The following LAMA4 variants were observed in gnomAD, a reference collection of about 807,000 sequenced individuals.
The protein encoded by LAMA4 is laminin subunit alpha 4.
In LAMA4, 127 loss-of-function variants were observed where a neutral mutation model predicts 207.1. The ratio of observed to expected loss-of-function variants is 0.61; its 90% CI spans 0.53 to 0.71. The LOEUF (loss-of-function observed/expected upper bound fraction) is 0.71, where lower values mean the gene tolerates loss of function less well. Ranked by LOEUF, LAMA4 falls within the 30% of genes least tolerant of loss-of-function variation. The probability of loss-of-function intolerance (pLI) is 0.00; values close to 1 mark genes in which losing one functional copy is unlikely to be tolerated. For synonymous variants in LAMA4, 761 were observed against 816.0 expected (o/e 0.93, Z 1.15); for missense variants, 2,093 against 2,246.5 (o/e 0.93, Z 1.38).
At chr6:112,232,258 T>C (rs1554364640) in intron 2 of LAMA4, among the ~76,000 whole-genome samples, 2 of 152,194 alleles carry the variant, frequency 1.3e-5, no homozygotes, top group African/African-American at 4.8e-5. Context: ...GGGGAGCTTA[T>C]TTAAAAAACA....
chr6:112,129,168 A>AAATGTGTGTGTGTGTGTG, intron 30 of LAMA4, 93 bp from the exon 31 acceptor site: 1 of 1,150,432 alleles, frequency 8.7e-7, no homozygotes, highest in Non-Finnish European at 1.3e-6. Context: ...TTGGCAATTA[A>AAATGTGTGTGTGTGTGTG]AATGTGTGTG....
At chr6:112,235,034 C>T (rs1785815029) in intron 2 of LAMA4, among the ~76,000 whole-genome samples, 1 of 152,204 alleles carries the variant, frequency 6.6e-6, no homozygotes, top group African/African-American at 2.4e-5. Context: ...GAGGATCCTC[C>T]TGACATCAAA....
chr6:112,179,958 A>G (rs7752289), intron 9 of LAMA4: 6,762 of 532,088 alleles, frequency 0.013, 306 homozygotes, highest in African/African-American at 0.11. Context: ...TGCTTTCCAG[A>G]AAAACAGTAT....
At position 112,126,995 on chromosome 6, in the gene LAMA4, T is replaced by C. The variant is rs78338349; in HGVS notation, c.4287+1927A>G. ...ATACTCATAAGGCTCTATAGAGATA[T>C]AACCACTAATATTCACTGAATCTTA... On this transcript the variant is annotated intron_variant, in intron 31 of 38. Transcript: ENST00000230538. Among the ~76,000 whole-genome samples, 254 of 152,316 alleles carry C rather than the reference T, an allele frequency of 1.7e-3. 3 individuals carry two copies. The East Asian group carries it at 0.044, about 26-fold the overall frequency.
At chr6:112,250,471 T>G (rs1369322081) in intron 2 of LAMA4, among the ~76,000 whole-genome samples, 3 of 152,206 alleles carry the variant, frequency 2.0e-5, no homozygotes, top group African/African-American at 7.2e-5. Flanking sequence ...CTGATCTTCT[T>G]GGAGTGAAGT....
At chr6:112,199,184 G>T (rs1783590492) in intron 5 of LAMA4, among the ~76,000 whole-genome samples, 1 of 152,130 alleles carries the variant, frequency 6.6e-6, no homozygotes, top group African/African-American at 2.4e-5. Context: ...TGTCAGAGGT[G>T]GGCGTGCAGT....
chr6:112,199,548 T>G (rs2114994823), intron 5 of LAMA4, among the ~76,000 whole-genome samples: 1 of 152,258 alleles, frequency 6.6e-6, no homozygotes, highest in East Asian at 1.9e-4. Flanking sequence ...GTCACAAATT[T>G]CAATCAACCC....
intron 10 of LAMA4, among the ~76,000 whole-genome samples, chr6:112,177,097 A>G (rs1370170192): frequency 7.9e-5 from 12 of 152,226 alleles, no homozygotes; most frequent in African/African-American, 2.9e-4. Context: ...GAACAAATCA[A>G]TAGTAACTCT....
intron 6 of LAMA4, among the ~76,000 whole-genome samples, 165 bp from the exon 7 acceptor site, chr6:112,189,370 C>T (rs570246332): frequency 6.6e-5 from 10 of 152,048 alleles, no homozygotes; most frequent in South Asian, 4.1e-4. Flanking sequence ...ACAGAGATTA[C>T]GCCCTTCATC....
In LAMA4 at chr6:112,172,607, G is replaced by T; in HGVS notation, c.1551+4C>A. 1 of 1,612,396 alleles carries T rather than the reference G, an allele frequency of 6.2e-7. No individual in the cohort carries two copies. Among genetic ancestry groups the T allele is most frequent in the Non-Finnish European group, 8.5e-7 (1 of 1,179,834 alleles). On this transcript the variant is annotated splice_donor_region_variant and intron_variant, in intron 12 of 38. Transcript: ENST00000230538. Reference sequence around the variant, plus strand: ...AATGCATTGATGGTGAGTGTCCGCTGTACCTCATGGTCCCGCTGCCTGGCT... The same window carrying T: ...AATGCATTGATGGTGAGTGTCCGCTTTACCTCATGGTCCCGCTGCCTGGCT...
chr6:112,214,142 A>G (rs1784500756), intron 3 of LAMA4: 1 of 554,922 alleles, frequency 1.8e-6, no homozygotes, highest in Non-Finnish European at 3.3e-6. Flanking sequence ...GACTTAACAT[A>G]TTTGCAACTA....
chr6:112,187,299 T>C (rs782749563), intron 8 of LAMA4, 151 bp downstream of exon 8: 6 of 883,306 alleles, frequency 6.8e-6, no homozygotes, highest in African/African-American at 1.7e-5. Flanking sequence ...TCCTATGAAA[T>C]TACTTATGTT....
chr6:112,157,595 C>T (rs2213838), intron 14 of LAMA4, among the ~76,000 whole-genome samples: 41,210 of 152,016 alleles, frequency 0.27, 5,662 homozygotes, highest in East Asian at 0.34. Context: ...CATGTAGTAA[C>T]TGTCTTAGAA....
At position 112,254,172 on chromosome 6, in the gene LAMA4, T is replaced by G. The variant is rs1232224759; in HGVS notation, c.-22A>C. On this transcript the variant is annotated 5_prime_UTR_variant, in exon 2 of 39. Transcript: ENST00000230538. ...CCATTTCTCCGCTGACATCCAGTAG[T>G]GCTCTTCCAGGGCTCGGGCGCTGTG... is the stretch of plus-strand genomic sequence containing the variant. The G allele has an allele frequency of 1.2e-6, 2 of 1,612,172 alleles. No individual in the cohort carries two copies. The highest frequency in any genetic ancestry group is 1.7e-6 in the Non-Finnish European group (2 of 1,179,926).
intron 31 of LAMA4, among the ~76,000 whole-genome samples, chr6:112,126,706 G>A (rs1778711833): frequency 6.6e-6 from 1 of 152,192 alleles, no homozygotes; most frequent in African/African-American, 2.4e-5. Flanking sequence ...TGGTCCAGAA[G>A]CCAGCCTTGG....
chr6:112,112,103 T>C (rs1450518498), intron 38 of LAMA4, among the ~76,000 whole-genome samples: 1 of 152,180 alleles, frequency 6.6e-6, no homozygotes, highest in Non-Finnish European at 1.5e-5. Context: ...AATGCACTTC[T>C]TAGTTTCAAC....
chr6:112,187,395 C>T (rs891490477), intron 8 of LAMA4, 55 bp downstream of exon 8: 7 of 1,599,946 alleles, frequency 4.4e-6, no homozygotes, highest in African/African-American at 2.7e-5. Context: ...TTACTAGCTG[C>T]GGGCCTGTGA....
chr6:112,158,613 A>G, intron 14 of LAMA4, 119 bp downstream of exon 14: 1 of 1,037,978 alleles, frequency 9.6e-7, no homozygotes, highest in Non-Finnish European at 1.5e-6. Flanking sequence ...ACACATAAGC[A>G]TACCCAACCT....
chr6:112,227,432 G>A (rs1169705313), intron 2 of LAMA4, among the ~76,000 whole-genome samples: 6 of 148,664 alleles, frequency 4.0e-5, no homozygotes, highest in African/African-American at 1.6e-4. Flanking sequence ...ATGAAAGAAA[G>A]AGGAAAAGGA....
Sources: allele counts gnomAD v4.1 joint callset (sites outside exome capture counted in the v4.1 genomes callset), GRCh38; gene constraint gnomAD v4.1.1; transcripts MANE v1.5; gene names NCBI Gene and HGNC (gene_info 2026-07-23, HGNC 2026-07-21).